The following ERG variants were observed in gnomAD, a reference collection of about 807,000 sequenced individuals.
The protein encoded by ERG is ETS transcription factor ERG.
ERG carries 9 observed loss-of-function variants against 55.3 expected under a neutral mutation model. The ratio of observed to expected loss-of-function variants is 0.16; its 90% CI spans 0.10 to 0.28. The LOEUF is 0.28. ERG is among the 10% of genes least tolerant of loss of function. The pLI is 1.00. For synonymous variants in ERG, 223 were observed against 237.3 expected, an observed-to-expected ratio of 0.94 and a Z score of 0.55; for missense variants, 434 against 631.6, an observed-to-expected ratio of 0.69 and a Z score of 3.35.
chr21:38,585,465 G>A (rs2060056434), upstream of ERG, among the ~76,000 whole-genome samples: 1 of 133,016 alleles, frequency 7.5e-6, no homozygotes, highest in East Asian at 2.4e-4. Flanking sequence ...TAAAAAGATA[G>A]AAAGAAAAAA....
chr21:38,381,371 G>C lies in ERG; in HGVS notation c.*2032C>G. The C allele has an allele frequency of 9.4e-7, 1 of 1,063,474 alleles. No individual in the cohort carries two copies. The highest frequency in any genetic ancestry group is 1.1e-6 in the Non-Finnish European group (1 of 878,182). The allele number at this position is 1,063,474 out of a possible 1,614,324, so 65.9% of individuals were successfully genotyped here. A position where few individuals can be genotyped will look rare whatever the true frequency, so the allele number is the denominator to read the frequency against. ...GGCAGCATTTGTGATTCAAAGAAAA[G>C]ATGCCCAGGGAAACTGACTCTAGAT... On this transcript the variant is annotated 3_prime_UTR_variant, in exon 10 of 10. Transcript: ENST00000288319.
chr21:38,404,977 T>C (rs1988693840), intron 3 of ERG, among the ~76,000 whole-genome samples: 1 of 152,148 alleles, frequency 6.6e-6, no homozygotes, highest in African/African-American at 2.4e-5. Context: ...AGAGTTCTCT[T>C]CCTCTCCCTC....
In ERG at chr21:38,391,648, C is replaced by A; in HGVS notation, c.871+11G>T. ...TCTCTTATGGTTATCCAGACGGCCC[C>A]TGAAACATACCTAACTGAGGACGCT... On this transcript the variant is annotated intron_variant, in intron 8 of 9. Coordinates refer to ENST00000288319, the MANE Select transcript of ERG (RefSeq NM_182918.4). The A allele has an allele frequency of 6.2e-7, 1 of 1,610,362 alleles. No homozygotes were observed.
intron 2 of ERG, among the ~76,000 whole-genome samples, chr21:38,514,165 T>G (rs1376216859): frequency 2.7e-5 from 4 of 146,702 alleles, no homozygotes; most frequent in African/African-American, 1.0e-4. Context: ...AATAAAAAAA[T>G]AAAAAAAAGA....
At chr21:38,620,744 C>G (rs2060285355) in intron 1 of ERG, among the ~76,000 whole-genome samples, 1 of 152,186 alleles carries the variant, frequency 6.6e-6, no homozygotes, top group Non-Finnish European at 1.5e-5. Context: ...TTCTCTCCAC[C>G]AGGCTAAATC....
upstream of ERG, among the ~76,000 whole-genome samples, chr21:38,499,439 T>C (rs1311624651): frequency 6.6e-6 from 1 of 152,170 alleles, no homozygotes. Flanking sequence ...TTTCAGGAAA[T>C]TGCTTGGAAG....
Position 38,565,703 on chromosome 21 carries a change from C to T in ERG, c.-41+9959G>A, listed in dbSNP as rs544627507. 7.2e-5 allele frequency among the ~76,000 whole-genome samples: 11 copies of T among 152,316 alleles called. No individual in the cohort carries two copies. In the East Asian group the frequency reaches 1.5e-3, roughly 21 times the overall value. On this transcript the variant is annotated intron_variant, in intron 2 of 8. Transcript: ENST00000398897. ...CTCCCTATGACCTTCCCTAACCTTT[C>T]GTGTAAAATTCTACCTCTCCCTTCC...
At chr21:38,618,110 C>A (rs1380058882) in intron 1 of ERG, among the ~76,000 whole-genome samples, 2 of 152,184 alleles carry the variant, frequency 1.3e-5, no homozygotes, top group African/African-American at 4.8e-5. Context: ...AGACCATCAA[C>A]AGTAGGATCA....
intron 1 of ERG, among the ~76,000 whole-genome samples, chr21:38,478,054 C>G (rs193213182): frequency 6.6e-6 from 1 of 152,316 alleles, no homozygotes; most frequent in Admixed American, 6.5e-5. Flanking sequence ...CATAATACTC[C>G]AGGCCTCAGA....
intron 2 of ERG, among the ~76,000 whole-genome samples, chr21:38,508,529 G>A (rs1393296924): frequency 1.3e-5 from 2 of 152,148 alleles, no homozygotes; most frequent in Non-Finnish European, 2.9e-5. Flanking sequence ...TAAAATAAGA[G>A]CTCCCATTTG....
chr21:38,496,609 AAC>A (rs1485033009), intron 1 of ERG, among the ~76,000 whole-genome samples: 6 of 152,230 alleles, frequency 3.9e-5, no homozygotes, highest in African/African-American at 1.4e-4. Flanking sequence ...ACATACAATA[AAC>A]ACATAATGCA....
chr21:38,549,148 A>G (rs1472973230), intron 2 of ERG, among the ~76,000 whole-genome samples: 1 of 151,916 alleles, frequency 6.6e-6, no homozygotes, highest in Non-Finnish European at 1.5e-5. Context: ...AAAACAAAAC[A>G]AAAAAGCCAT....
At chr21:38,560,630 C>G (rs1420636233) in intron 2 of ERG, among the ~76,000 whole-genome samples, 4 of 152,218 alleles carry the variant, frequency 2.6e-5, no homozygotes, top group Admixed American at 1.3e-4. Context: ...GTCTCAACAT[C>G]TGCTTCCCAG....
chr21:38,412,334 C>T (rs1989097705), intron 3 of ERG, among the ~76,000 whole-genome samples: 2 of 151,910 alleles, frequency 1.3e-5, no homozygotes, highest in Admixed American at 1.3e-4. Context: ...ATTGGTTTTG[C>T]TCTTTGACAT....
chr21:38,484,075 A>C (rs568224730), intron 1 of ERG, among the ~76,000 whole-genome samples: 2 of 152,254 alleles, frequency 1.3e-5, no homozygotes, highest in South Asian at 2.1e-4. Flanking sequence ...CACAGAACTT[A>C]AGGCATAGAA....
chr21:38,660,856 C>A (rs1747141870), intron 1 of ERG, among the ~76,000 whole-genome samples: 1 of 151,738 alleles, frequency 6.6e-6, no homozygotes, highest in Admixed American at 6.6e-5. Flanking sequence ...CGAGTGCGCG[C>A]GTGTCCGTGT....
At chr21:38,392,529 AT>A in intron 6 of ERG, 85 bp from the exon 7 acceptor site, 1 of 1,002,014 alleles carries the variant, frequency 1.0e-6, no homozygotes, top group Non-Finnish European at 1.4e-6. Context: ...TTTTGTATTT[AT>A]TAGAATAAAC....
chr21:38,632,526 A>G (rs558212762), intron 1 of ERG, among the ~76,000 whole-genome samples: 1 of 152,232 alleles, frequency 6.6e-6, no homozygotes, highest in African/African-American at 2.4e-5. Context: ...GAATCATGAG[A>G]GCAGGTCTTT....
chr21:38,560,699 C>A (rs2059887743), intron 2 of ERG, among the ~76,000 whole-genome samples: 1 of 152,202 alleles, frequency 6.6e-6, no homozygotes, highest in Admixed American at 6.5e-5. Flanking sequence ...ACTTTCCAAG[C>A]CCCTACATGA....
Sources: gnomAD v4.1 joint callset for allele counts (sites outside exome capture counted in the v4.1 genomes callset) on GRCh38, gnomAD v4.1.1 for gene constraint, MANE v1.5 for transcripts, NCBI Gene and HGNC (gene_info 2026-07-23, HGNC 2026-07-21) for gene names.